The following CA1 variants were observed in gnomAD, a reference collection of about 807,000 sequenced individuals.
The protein encoded by CA1 is carbonic anhydrase 1, also known as carbonate dehydratase I.
In CA1, 27 loss-of-function variants were observed where a neutral mutation model predicts 28.8. The ratio of observed to expected loss-of-function variants is 0.94; its 90% CI spans 0.69 to 1.29. The LOEUF (loss-of-function observed/expected upper bound fraction) is 1.29. CA1 is among the 50% of genes most tolerant of loss of function. The pLI is 0.00. For missense variants in CA1, 335 were observed against 310.5 expected (o/e 1.08, Z -0.59); for synonymous variants, 121 against 108.8 (o/e 1.11, Z -0.70).
At chr8:85,339,406 T>C (rs1585925602) in intron 2 of CA1, among the ~76,000 whole-genome samples, 1 of 152,328 alleles carries the variant, frequency 6.6e-6, no homozygotes, top group East Asian at 1.9e-4. Flanking sequence ...AGTAAGATGA[T>C]GAACTTAATC....
Position 85,329,794 on chromosome 8 carries a change from T to G in CA1, c.564A>C (p.Ser188=). ...CAGGGTAGGTCCAGAAATCCAGGGATGAAGGAAGGAGAGTAGAGGGGTCAA... is the reference window on the plus strand; with the variant it reads ...CAGGGTAGGTCCAGAAATCCAGGGAGGAAGGAAGGAGAGTAGAGGGGTCAA... ...TNFDPSTLLP[S]SLDFWTYPGS... Residue 188 remains serine (S), a synonymous_variant, in exon 7 of 8, where the codon TCA becomes TCC. Transcript: ENST00000523022. The G allele has an allele frequency of 6.2e-7, 1 of 1,603,402 alleles. No homozygotes were observed. Among genetic ancestry groups the G allele is most frequent in the Non-Finnish European group, 8.5e-7 (1 of 1,173,928 alleles).
At chr8:85,335,609 A>G (rs1321340235) in intron 4 of CA1, among the ~76,000 whole-genome samples, 1 of 152,194 alleles carries the variant, frequency 6.6e-6, no homozygotes, top group East Asian at 1.9e-4. Context: ...AACTGAATTT[A>G]ATCATATGCT....
At chr8:85,367,483 A>G (rs938635981) in intron 1 of CA1, among the ~76,000 whole-genome samples, 1 of 152,228 alleles carries the variant, frequency 6.6e-6, no homozygotes, top group African/African-American at 2.4e-5. Flanking sequence ...GAAAGAGAAA[A>G]GCAAAGCTAG....
intron 1 of CA1, among the ~76,000 whole-genome samples, chr8:85,371,791 C>G (rs779335975): frequency 1.3e-5 from 2 of 152,160 alleles, no homozygotes; most frequent in South Asian, 2.1e-4. Context: ...TACAGAGCAG[C>G]AAGGTTCTGA....
intron 7 of CA1, 75 bp downstream of exon 7, chr8:85,329,614 C>G: frequency 8.1e-7 from 1 of 1,233,960 alleles, no homozygotes; most frequent in Non-Finnish European, 1.2e-6. Flanking sequence ...AAATAATAAT[C>G]TCTCTCACTG....
chr8:85,347,896 G>A (rs1457125133), intron 1 of CA1, among the ~76,000 whole-genome samples: 1 of 152,136 alleles, frequency 6.6e-6, no homozygotes, highest in Non-Finnish European at 1.5e-5. Context: ...ACACTATCAA[G>A]CATTCCTATT....
intron 2 of CA1, among the ~76,000 whole-genome samples, chr8:85,340,535 T>G (rs1255320652): frequency 6.6e-6 from 1 of 152,186 alleles, no homozygotes; most frequent in Non-Finnish European, 1.5e-5. Flanking sequence ...TATTCTGCAG[T>G]CTATGGATCA....
intron 1 of CA1, among the ~76,000 whole-genome samples, chr8:85,363,349 A>G (rs564584838): frequency 6.6e-6 from 1 of 152,236 alleles, no homozygotes; most frequent in Non-Finnish European, 1.5e-5. Flanking sequence ...TAAGAAATAC[A>G]GATTTACATA....
intron 1 of CA1, among the ~76,000 whole-genome samples, chr8:85,359,846 C>T (rs1275837668): frequency 6.6e-6 from 1 of 152,188 alleles, no homozygotes; most frequent in Non-Finnish European, 1.5e-5. Flanking sequence ...TACCCTGGGA[C>T]ATCCAGATAC....
chr8:85,361,736 T>G (rs1276606977), intron 1 of CA1, among the ~76,000 whole-genome samples: 1 of 152,158 alleles, frequency 6.6e-6, no homozygotes, highest in Non-Finnish European at 1.5e-5. Flanking sequence ...GTATTGAGCT[T>G]GATGTCTAAC....
Position 85,332,529 on chromosome 8 carries a change from C to A in CA1, c.474G>T (p.Leu158=). 2 of 1,613,154 alleles carry A rather than the reference C, an allele frequency of 1.2e-6. No individual in the cohort carries two copies. Among genetic ancestry groups the A allele is most frequent in the Non-Finnish European group, 1.7e-6 (2 of 1,179,366 alleles). ...LMKVGEANPK[L]QKVLDALQAI... ...CTTGGAGGGCATCAAGTACTTTCTG[C>A]AGCTTTGGGTTGGCCTCACCAACCT... The change falls in exon 6 of 8, where the codon CTG becomes CTT. Residue 158 remains leucine, a synonymous_variant. Transcript: ENST00000523022.
rs370861406 is a variant in CA1, at chr8:85,355,098, C to T, written c.-24-13439G>A. Among the ~76,000 whole-genome samples the T allele has an allele frequency of 4.6e-5, 7 of 152,142 alleles. 1 individual carries two copies. In the East Asian group the frequency reaches 5.8e-4, roughly 13 times the overall value. Reference sequence around the variant, plus strand: ...TCAGCCCAGCTTCTACTCCAGTACCCTCTTATCTCACCCTGTTTCATGGCC... The same window carrying T: ...TCAGCCCAGCTTCTACTCCAGTACCTTCTTATCTCACCCTGTTTCATGGCC... On this transcript the variant is annotated intron_variant, in intron 1 of 7. Transcript: ENST00000523022.
At chr8:85,357,663 C>T (rs193087853) in intron 1 of CA1, among the ~76,000 whole-genome samples, 44 of 152,320 alleles carry the variant, frequency 2.9e-4, no homozygotes, top group Admixed American at 5.2e-4. Context: ...GGAAAAGGGG[C>T]AAGGCCCCAA....
intron 1 of CA1, among the ~76,000 whole-genome samples, chr8:85,349,459 A>G (rs1446898397): frequency 6.6e-6 from 1 of 152,204 alleles, no homozygotes; most frequent in Non-Finnish European, 1.5e-5. Context: ...ATTACTTTTT[A>G]CTTTATTATC....
At chr8:85,378,013 G>A (rs1388018296) in intron 1 of CA1, 33 bp downstream of exon 1, 1 of 152,148 alleles carries the variant, frequency 6.6e-6, no homozygotes, top group Admixed American at 6.5e-5. Flanking sequence ...TCAATGCTCA[G>A]CTAGATGAAA....
chr8:85,364,153 T>C (rs1809917390), intron 1 of CA1, among the ~76,000 whole-genome samples: 1 of 152,044 alleles, frequency 6.6e-6, no homozygotes, highest in African/African-American at 2.4e-5. Context: ...TAACCCCAAA[T>C]TTATTCTGTG....
intron 1 of CA1, among the ~76,000 whole-genome samples, chr8:85,372,848 T>G (rs558100494): frequency 6.6e-6 from 1 of 152,304 alleles, no homozygotes; most frequent in East Asian, 1.9e-4. Flanking sequence ...TGCCCTCCCC[T>G]TAGTCACTTA....
intron 1 of CA1, among the ~76,000 whole-genome samples, chr8:85,346,072 C>G (rs1319403170): frequency 6.6e-6 from 1 of 152,028 alleles, no homozygotes; most frequent in Admixed American, 6.6e-5. Context: ...TATTAACAAC[C>G]AAGTCAACTC....
At chr8:85,362,190 A>C (rs760562147) in intron 1 of CA1, among the ~76,000 whole-genome samples, 2 of 152,188 alleles carry the variant, frequency 1.3e-5, no homozygotes, top group Non-Finnish European at 2.9e-5. Flanking sequence ...CAAAGCGAGC[A>C]GTATAAAATC....
Sources: gnomAD v4.1 joint callset for allele counts (sites outside exome capture counted in the v4.1 genomes callset) on GRCh38, gnomAD v4.1.1 for gene constraint, MANE v1.5 for transcripts, NCBI Gene and HGNC (gene_info 2026-07-23, HGNC 2026-07-21) for gene names.